Variants in KLF8 observed in about 807,000 individuals in gnomAD.
KLF8 encodes KLF transcription factor 8.
Under a neutral mutation model 18.2 loss-of-function variants are expected in KLF8, and 10 were observed. The observed-to-expected ratio is 0.55, with a 90% CI of 0.34 to 0.93. KLF8 has a LOEUF of 0.93. Ranked by LOEUF, KLF8 falls within the 40% of genes least tolerant of loss-of-function variation. The pLI is 0.02. For synonymous variants in KLF8, 109 were observed against 97.3 expected, an observed-to-expected ratio of 1.12 and a Z score of -0.71; for missense variants, 264 against 277.9, an observed-to-expected ratio of 0.95 and a Z score of 0.36.
At chrX:56,221,190 G>A in the KLF8 span, among the ~76,000 whole-genome samples, 2 of 111,997 alleles carry the variant, frequency 1.8e-5, no homozygotes, top group East Asian at 5.6e-4. Flanking sequence ...TAGTTCTGAA[G>A]TAAACTTTAA....
the KLF8 span, among the ~76,000 whole-genome samples, chrX:55,950,192 G>A: frequency 9.0e-6 from 1 of 110,825 alleles, no homozygotes; most frequent in Non-Finnish European, 1.9e-5. Flanking sequence ...CCTGCATGAG[G>A]ATATCCTCAG....
chrX:56,037,469 A>G, the KLF8 span, among the ~76,000 whole-genome samples: 1 of 111,472 alleles, frequency 9.0e-6, no homozygotes, highest in Non-Finnish European at 1.9e-5. Context: ...TTTTTTAGAA[A>G]TAGTTTGAGA....
At chrX:56,283,844 G>A (rs2067234806) in intron 5 of KLF8, among the ~76,000 whole-genome samples, 1 of 111,964 alleles carries the variant, frequency 8.9e-6, no homozygotes, top group Non-Finnish European at 1.9e-5. Context: ...AGAAAACAGA[G>A]ACCAAGCCAG....
chrX:56,066,493 T>C, the KLF8 span, among the ~76,000 whole-genome samples: 1 of 111,993 alleles, frequency 8.9e-6, no homozygotes, highest in African/African-American at 3.2e-5. Context: ...TGAGGTTGCT[T>C]GCATTGGCAG....
At chrX:56,159,816 C>G in the KLF8 span, among the ~76,000 whole-genome samples, 5 of 110,827 alleles carry the variant, frequency 4.5e-5, no homozygotes, top group African/African-American at 1.6e-4. Flanking sequence ...CTATCAATTT[C>G]GTTGATCTTT....
At chrX:56,242,867 C>T (rs2147582413) in intron 1 of KLF8, 1 of 346,998 alleles carries the variant, frequency 2.9e-6, no homozygotes, top group South Asian at 3.3e-5. Context: ...CAGGGGTTTT[C>T]TGGTTTGTTT....
At chrX:56,022,266 G>A in the KLF8 span, among the ~76,000 whole-genome samples, 3 of 110,828 alleles carry the variant, frequency 2.7e-5, no homozygotes, top group Middle Eastern at 4.2e-3. Flanking sequence ...AATGTCTGAG[G>A]CCAGGCATGG....
At chrX:55,956,169 C>CATCT in the KLF8 span, among the ~76,000 whole-genome samples, 924 of 81,836 alleles carry the variant, frequency 0.011, 3 homozygotes, top group Non-Finnish European at 0.012. Context: ...ATCTATCTAT[C>CATCT]ATCTATCTAT....
the KLF8 span, among the ~76,000 whole-genome samples, chrX:56,076,730 T>C: frequency 8.9e-6 from 1 of 111,844 alleles, no homozygotes; most frequent in Non-Finnish European, 1.9e-5. Context: ...ACTTCCACAA[T>C]GGTTGAACTA....
the KLF8 span, among the ~76,000 whole-genome samples, chrX:55,971,922 A>C: frequency 9.0e-6 from 1 of 111,090 alleles, no homozygotes; most frequent in South Asian, 3.8e-4. Flanking sequence ...GCTGGTGAGG[A>C]TATGGACAAA....
the KLF8 span, among the ~76,000 whole-genome samples, chrX:56,157,915 T>C: frequency 1.8e-5 from 2 of 112,014 alleles, no homozygotes; most frequent in African/African-American, 3.2e-5. Flanking sequence ...TTTGTCAATT[T>C]TGTCTTTTGT....
the KLF8 span, among the ~76,000 whole-genome samples, chrX:55,945,995 C>G: frequency 9.0e-6 from 1 of 111,534 alleles, no homozygotes; most frequent in Non-Finnish European, 1.9e-5. Flanking sequence ...AGGATACAAA[C>G]AAATGGAAGA....
chrX:56,175,806 G>A, the KLF8 span, among the ~76,000 whole-genome samples: 12 of 111,462 alleles, frequency 1.1e-4, no homozygotes, highest in Admixed American at 5.8e-4. Context: ...TATATATTTA[G>A]GATAGTTAGC....
At chrX:56,204,481 G>T in the KLF8 span, among the ~76,000 whole-genome samples, 6 of 111,340 alleles carry the variant, frequency 5.4e-5, no homozygotes, top group Admixed American at 1.9e-4. Flanking sequence ...TTGACAATGG[G>T]CCTCCTTGTT....
At chrX:56,056,469 A>G in the KLF8 span, among the ~76,000 whole-genome samples, 6 of 108,497 alleles carry the variant, frequency 5.5e-5, no homozygotes. Flanking sequence ...CTATGCAGCC[A>G]TAAAAAATGA....
the KLF8 span, among the ~76,000 whole-genome samples, chrX:56,055,618 A>C: frequency 8.9e-6 from 1 of 112,199 alleles, no homozygotes; most frequent in Non-Finnish European, 1.9e-5. Flanking sequence ...CTCTCTAGCT[A>C]GGTTGAAGAA....
the KLF8 span, among the ~76,000 whole-genome samples, chrX:56,207,352 A>G: frequency 3.6e-5 from 4 of 112,536 alleles, no homozygotes; most frequent in Admixed American, 9.4e-5. Flanking sequence ...TCAAAATTTT[A>G]TGCTCTGCTT....
the KLF8 span, among the ~76,000 whole-genome samples, chrX:55,927,735 C>T: frequency 9.0e-6 from 1 of 111,567 alleles, no homozygotes; most frequent in Non-Finnish European, 1.9e-5. Flanking sequence ...CATTCATTTG[C>T]CTTTTTATAG....
At chrX:55,926,787 TG>T in the KLF8 span, among the ~76,000 whole-genome samples, 1 of 110,740 alleles carries the variant, frequency 9.0e-6, no homozygotes, top group South Asian at 3.8e-4. Flanking sequence ...AATTTTTTTT[TG>T]TAACTCAAGG....
Sources: allele counts gnomAD v4.1 joint callset (sites outside exome capture counted in the v4.1 genomes callset), GRCh38; gene constraint gnomAD v4.1.1; transcripts MANE v1.5; gene names NCBI Gene and HGNC (gene_info 2026-07-23, HGNC 2026-07-21).